Variants in MYCBP2 observed in about 807,000 individuals in gnomAD.
The protein encoded by MYCBP2 is E3 ubiquitin-protein ligase MYCBP2.
Under a neutral mutation model 525.3 loss-of-function variants are expected in MYCBP2, and 120 were observed. The ratio of observed to expected loss-of-function variants is 0.23; its 90% CI spans 0.20 to 0.27. The LOEUF (loss-of-function observed/expected upper bound fraction) is 0.27. Ranked by LOEUF, MYCBP2 falls within the 10% of genes least tolerant of loss-of-function variation. The pLI, the probability that MYCBP2 is intolerant of heterozygous loss-of-function variation, is 1.00. For synonymous variants in MYCBP2, 1,894 were observed against 1,955.8 expected (o/e 0.97, Z 0.83); for missense variants, 4,149 against 5,657.1 (o/e 0.73, Z 8.55).
chr13:77,155,031 ATTATAT>A (rs1486489780), intron 46 of MYCBP2, among the ~76,000 whole-genome samples: 1 of 152,076 alleles, frequency 6.6e-6, no homozygotes, highest in Non-Finnish European at 1.5e-5. Flanking sequence ...TCCATCATAT[ATTATAT>A]TTATATCTTT....
At chr13:77,057,924 G>A (rs1176792024) in intron 78 of MYCBP2, among the ~76,000 whole-genome samples, 2 of 143,358 alleles carry the variant, frequency 1.4e-5, no homozygotes, top group African/African-American at 2.7e-5. Context: ...TGCAAGCTCC[G>A]TCTCCTGGCT....
chr13:77,142,983 T>A (rs575390377), intron 49 of MYCBP2, among the ~76,000 whole-genome samples: 127 of 152,346 alleles, frequency 8.3e-4, no homozygotes, highest in Non-Finnish European at 1.6e-3. Flanking sequence ...TCGAAATTTA[T>A]CTGATCACAG....
At chr13:77,295,347 T>A (rs914908706) in intron 2 of MYCBP2, among the ~76,000 whole-genome samples, 1 of 152,142 alleles carries the variant, frequency 6.6e-6, no homozygotes, top group African/African-American at 2.4e-5. Context: ...TTGGCCAGGA[T>A]GGTCTCGACC....
chr13:77,097,946 T>C lies in MYCBP2; in HGVS notation c.9208A>G (p.Ser3070Gly). The C allele has an allele frequency of 1.9e-6, 3 of 1,613,076 alleles. No homozygotes were observed. The highest frequency in any genetic ancestry group is 2.5e-6 in the Non-Finnish European group (3 of 1,179,682). Reference protein sequence around the residue: ...ELSKEHAPIRSSLNSQQPTEE... With the variant: ...ELSKEHAPIRGSLNSQQPTEE... Reference sequence around the variant, plus strand: ...GTAGGTTGTTGGCTATTTAAACTACTCCTTATAGGAGCATGTTCTTTGGAA... The same window carrying C: ...GTAGGTTGTTGGCTATTTAAACTACCCCTTATAGGAGCATGTTCTTTGGAA... Residue 3070 changes from serine (S) to glycine (G), a missense_variant, in exon 56 of 83, where the codon AGT becomes GGT. Transcript: ENST00000544440.
rs1402388297 is a variant in MYCBP2 at position 77,191,829 on chromosome 13, T to G, written c.3936-16A>C. The G allele has an allele frequency of 1.2e-5, 20 of 1,611,954 alleles. No individual in the cohort carries two copies. Among genetic ancestry groups the G allele is most frequent in the Non-Finnish European group, 1.6e-5 (19 of 1,178,886 alleles). ...ATATTTTTCTCTGAGAAAAAATTAG[T>G]GAGTCAAAAACAATATTTTCTTACT... On this transcript the variant is annotated splice_polypyrimidine_tract_variant and intron_variant, in intron 27 of 82. Transcript: ENST00000544440.
intron 59 of MYCBP2, among the ~76,000 whole-genome samples, chr13:77,091,431 A>C (rs1009317284): frequency 5.4e-5 from 8 of 147,402 alleles, no homozygotes; most frequent in African/African-American, 2.0e-4. Flanking sequence ...CTTTTTACCA[A>C]AAAAAAAAAA....
At chr13:77,135,510 G>GC (rs1296172879) in intron 52 of MYCBP2, among the ~76,000 whole-genome samples, 5 of 152,164 alleles carry the variant, frequency 3.3e-5, no homozygotes, top group Non-Finnish European at 7.4e-5. Context: ...TAAGGGGTCT[G>GC]CCCTAGTCCC....
intron 80 of MYCBP2, 28 bp downstream of exon 80, chr13:77,055,530 A>G: frequency 1.9e-6 from 3 of 1,587,038 alleles, no homozygotes; most frequent in Non-Finnish European, 2.6e-6. Context: ...CTAGTTTTTA[A>G]AACTTCTCAG....
intron 1 of MYCBP2, among the ~76,000 whole-genome samples, chr13:77,311,355 A>C (rs1452907496): frequency 6.6e-6 from 1 of 152,202 alleles, no homozygotes; most frequent in Non-Finnish European, 1.5e-5. Flanking sequence ...ATACAATCCC[A>C]AATTCTCACA....
intron 17 of MYCBP2, among the ~76,000 whole-genome samples, chr13:77,240,765 C>T (rs1322796961): frequency 6.6e-6 from 1 of 152,130 alleles, no homozygotes; most frequent in African/African-American, 2.4e-5. Flanking sequence ...GACATGGTTC[C>T]AATGTGCACA....
chr13:77,296,821 A>G, intron 1 of MYCBP2, 147 bp from the exon 2 acceptor site: 1 of 605,586 alleles, frequency 1.7e-6, no homozygotes, highest in East Asian at 3.3e-5. Context: ...TTACATACAC[A>G]TATAAGATAC....
chr13:77,168,676 G>T (rs2058791524), intron 39 of MYCBP2, 30 bp from the exon 40 acceptor site: 3 of 1,590,754 alleles, frequency 1.9e-6, no homozygotes, highest in Non-Finnish European at 1.7e-6. Context: ...ATGGTTAAAT[G>T]AGATACACGT....
At chr13:77,300,337 C>CA (rs1291418724) in intron 1 of MYCBP2, among the ~76,000 whole-genome samples, 1 of 152,186 alleles carries the variant, frequency 6.6e-6, no homozygotes, top group Non-Finnish European at 1.5e-5. Flanking sequence ...ATCTCTGTTG[C>CA]AACTACTCAA....
In MYCBP2 at chr13:77,051,921, G is replaced by A; in HGVS notation, c.13648-3C>T. 1.2e-6 allele frequency: 2 copies of A among 1,612,676 alleles called. No homozygotes were observed. The highest frequency in any genetic ancestry group is 1.7e-4 in the Middle Eastern group (1 of 6,058). On this transcript the variant is annotated splice_polypyrimidine_tract_variant and splice_region_variant and intron_variant, in intron 80 of 82. Coordinates refer to ENST00000544440, the MANE Select transcript of MYCBP2 (RefSeq NM_015057.5). ...CGAGCTTCACCACCAAAATATGCCT[G>A]TGGAGAAAACACATCTAGATTACAG...
chr13:77,139,220 G>A lies in MYCBP2; in HGVS notation c.7635C>T (p.Gly2545=). The A allele has an allele frequency of 6.2e-7, 1 of 1,613,724 alleles. No homozygotes were observed. Among genetic ancestry groups the A allele is most frequent in the Non-Finnish European group, 8.5e-7 (1 of 1,179,758 alleles). Residue 2545 remains glycine, a synonymous_variant, in exon 52 of 83, where the codon GGC becomes GGT. Coordinates refer to ENST00000544440, the MANE Select transcript of MYCBP2 (RefSeq NM_015057.5). ...CGTCAACAGGGACCAGAAGACTCTTGCCAAGATGTTGATTAAAAGAGAGGC... is the reference window on the plus strand; with the variant it reads ...CGTCAACAGGGACCAGAAGACTCTTACCAAGATGTTGATTAAAAGAGAGGC... ...AWCLSFNQHL[G]KSLLVPVDES...
In MYCBP2 at chr13:77,208,755, GA is replaced by G. The variant is rs373706389; in HGVS notation, c.3417-1931del. On this transcript the variant is annotated intron_variant, in intron 23 of 82. Coordinates refer to ENST00000544440, the MANE Select transcript of MYCBP2 (RefSeq NM_015057.5). ...GGGAAAAGAAACAGATACAGAGTAT[GA>G]CCATCCTTTTTCCTGTATGTATTTT... Among the ~76,000 whole-genome samples, 709 of 152,270 alleles carry G rather than the reference GA, an allele frequency of 4.7e-3. 2 individuals carry two copies. Among genetic ancestry groups the G allele is most frequent in the African/African-American group, 0.015 (620 of 41,570 alleles).
intron 20 of MYCBP2, among the ~76,000 whole-genome samples, chr13:77,220,025 G>A (rs2065330523): frequency 6.6e-6 from 1 of 152,140 alleles, no homozygotes; most frequent in Non-Finnish European, 1.5e-5. Flanking sequence ...GGAACTGGTT[G>A]AATCTGGAAA....
At chr13:77,261,947 A>G (rs1003090966) in intron 11 of MYCBP2, 106 bp downstream of exon 11, 1 of 858,898 alleles carries the variant, frequency 1.2e-6, no homozygotes, top group African/African-American at 1.7e-5. Flanking sequence ...AAAATTTAAA[A>G]GATGATTCTT....
At chr13:77,073,084 CGTCA>C (rs1370221552) in intron 68 of MYCBP2, among the ~76,000 whole-genome samples, 16 of 151,978 alleles carry the variant, frequency 1.1e-4, no homozygotes, top group Admixed American at 1.0e-3. Flanking sequence ...CAACTATCGT[CGTCA>C]GTCAATATTA....
Sources: gnomAD v4.1 joint callset for allele counts (sites outside exome capture counted in the v4.1 genomes callset) on GRCh38, gnomAD v4.1.1 for gene constraint, MANE v1.5 for transcripts, NCBI Gene and HGNC (gene_info 2026-07-23, HGNC 2026-07-21) for gene names.